Variants in TAF7L observed in about 807,000 individuals in gnomAD.
TAF7L encodes the protein transcription initiation factor TFIID subunit 7-like.
TAF7L carries 6 observed loss-of-function variants against 30.2 expected under a neutral mutation model. The ratio of observed to expected loss-of-function variants is 0.20; its 90% CI spans 0.11 to 0.39. The LOEUF is 0.39. TAF7L is among the 10% of genes least tolerant of loss of function. TAF7L has a pLI of 1.00. For synonymous variants in TAF7L, 93 were observed against 94.5 expected, an observed-to-expected ratio of 0.98 and a Z score of 0.09; for missense variants, 284 against 277.1, an observed-to-expected ratio of 1.03 and a Z score of -0.18.
At chrX:101,282,513 A>C (rs923133825) in intron 4 of TAF7L, 60 bp from the exon 5 acceptor site, 13 of 1,148,454 alleles carry the variant, frequency 1.1e-5, no homozygotes, top group African/African-American at 1.8e-5. Flanking sequence ...TAGCAATCAT[A>C]ATCATTCTTA....
At chrX:101,285,958 G>A (rs757032035) in intron 3 of TAF7L, among the ~76,000 whole-genome samples, 3 of 111,230 alleles carry the variant, frequency 2.7e-5, no homozygotes, top group East Asian at 2.8e-4. Flanking sequence ...CAAGGCAGGC[G>A]GATCACAAGG....
At chrX:101,277,503 G>GTTT in intron 9 of TAF7L, 103 bp downstream of exon 9, 6 of 321,284 alleles carry the variant, frequency 1.9e-5, no homozygotes, top group Non-Finnish European at 2.1e-5. Context: ...TTTTTTCTGG[G>GTTT]TTTTTTTTTT....
At chrX:101,288,786 ATATAAT>A (rs1924700932) in intron 1 of TAF7L, among the ~76,000 whole-genome samples, 1 of 111,020 alleles carries the variant, frequency 9.0e-6, no homozygotes, top group African/African-American at 3.3e-5. Context: ...TTATAATCAT[ATATAAT>A]TATGGGGTAC....
chrX:101,290,393 A>G (rs1302953586), intron 1 of TAF7L, among the ~76,000 whole-genome samples: 1 of 112,204 alleles, frequency 8.9e-6, no homozygotes, highest in African/African-American at 3.2e-5. Flanking sequence ...ATCGAAATAA[A>G]TAAAAAATCT....
At chrX:101,291,870 A>C (rs1242688657), upstream of TAF7L, among the ~76,000 whole-genome samples, 1 of 103,224 alleles carries the variant, frequency 9.7e-6, no homozygotes, top group East Asian at 3.2e-4. Flanking sequence ...GTCCGAAAAA[A>C]AAAAAATTAC....
Position 101,276,431 on chromosome X carries a change from CTCATCCTCATCCTCATCCTCATCTTCA to C in TAF7L, c.762_788del (p.Asp254_Asp262del). 1 of 821,452 alleles carries C rather than the reference CTCATCCTCATCCTCATCCTCATCTTCA, an allele frequency of 1.2e-6. No homozygotes were observed. Among genetic ancestry groups the C allele is most frequent in the Non-Finnish European group, 1.7e-6 (1 of 587,445 alleles). 67.7% of individuals were successfully genotyped at this position (821,452 alleles called of 1,213,427 possible). ...CCTCTTCTTTGTCTTCATCTTCATCCTCATCCTCATCCTCATCCTCATCTTCATCATCCTCATCCTCATCATCATCAT... is the reference window on the plus strand; with the variant it reads ...CCTCTTCTTTGTCTTCATCTTCATCCTCATCCTCATCCTCATCATCATCAT... On this transcript the variant is annotated inframe_deletion, in exon 10 of 13. Coordinates refer to ENST00000356784, the MANE Select transcript of TAF7L (RefSeq NM_001168474.2).
chrX:101,288,465 T>C (rs1924686759), intron 1 of TAF7L, among the ~76,000 whole-genome samples: 1 of 109,452 alleles, frequency 9.1e-6, no homozygotes, highest in South Asian at 3.9e-4. Context: ...CTTTTTTTTT[T>C]TTTGAGACGG....
At chrX:101,285,103 C>A (rs919402703) in intron 3 of TAF7L, among the ~76,000 whole-genome samples, 1 of 110,859 alleles carries the variant, frequency 9.0e-6, no homozygotes, top group Non-Finnish European at 1.9e-5. Flanking sequence ...ATGTTGATAT[C>A]AATTCCTTCT....
intron 1 of TAF7L, among the ~76,000 whole-genome samples, chrX:101,289,316 C>A (rs1924719048): frequency 8.9e-6 from 1 of 112,057 alleles, no homozygotes; most frequent in Non-Finnish European, 1.9e-5. Flanking sequence ...AGATTGATTT[C>A]ATAACTTAGC....
intron 8 of TAF7L, 89 bp from the exon 9 acceptor site, chrX:101,277,808 T>G (rs904937885): frequency 1.9e-5 from 13 of 685,347 alleles, no homozygotes; most frequent in Non-Finnish European, 2.7e-5. Flanking sequence ...ACAGTGCTAT[T>G]TAATTTAGTC....
intron 3 of TAF7L, among the ~76,000 whole-genome samples, chrX:101,286,138 G>A (rs5991903): frequency 0.34 from 34,208 of 101,443 alleles, 4,528 homozygotes; most frequent in Middle Eastern, 0.38. Context: ...CCAAGATTGC[G>A]CCACTGCACT....
chrX:101,276,195 C>A, intron 10 of TAF7L, 83 bp from the exon 11 acceptor site: 1 of 1,173,408 alleles, frequency 8.5e-7, no homozygotes, highest in Non-Finnish European at 1.1e-6. Flanking sequence ...AACTCTACTA[C>A]ACATCGAAGC....
chrX:101,292,858 G>A (rs373952324), upstream of TAF7L: 21 of 1,209,727 alleles, frequency 1.7e-5, no homozygotes, highest in Admixed American at 4.6e-4. Context: ...ATCCGTTTGA[G>A]TGTCCTCGTC....
At chrX:101,279,353 G>T (rs1227920424) in intron 6 of TAF7L, among the ~76,000 whole-genome samples, 1 of 112,093 alleles carries the variant, frequency 8.9e-6, no homozygotes, top group Non-Finnish European at 1.9e-5. Context: ...CAGGCGTGGT[G>T]GCTCATGCCT....
upstream of TAF7L, among the ~76,000 whole-genome samples, chrX:101,292,437 CAA>C (rs145821944): frequency 0.27 from 9,648 of 35,426 alleles, 783 homozygotes; most frequent in Admixed American, 0.36. Flanking sequence ...GAAACTCCGT[CAA>C]AAAAAAAAAA....
chrX:101,284,957 T>C lies in TAF7L; in HGVS notation c.146-1374A>G, dbSNP rs754178564. 9.0e-5 allele frequency among the ~76,000 whole-genome samples: 10 copies of C among 111,409 alleles called. No individual in the cohort carries two copies. In the South Asian group the frequency reaches 3.4e-3, roughly 38 times the overall value. Reference sequence around the variant, plus strand: ...ATCCATGGTGTCCCAAATGACAGAATTTTGTTCTTTTTAAAAGGCTGAGTA... The same window carrying C: ...ATCCATGGTGTCCCAAATGACAGAACTTTGTTCTTTTTAAAAGGCTGAGTA... On this transcript the variant is annotated intron_variant, in intron 3 of 12. Coordinates refer to ENST00000356784, the MANE Select transcript of TAF7L (RefSeq NM_001168474.2).
intron 5 of TAF7L, 110 bp from the exon 6 acceptor site, chrX:101,281,885 CTT>C (rs150397187): frequency 0.066 from 26,610 of 404,666 alleles, no homozygotes; most frequent in Middle Eastern, 0.079. Context: ...GACATCACTC[CTT>C]TTTTTTTTTT....
upstream of TAF7L, among the ~76,000 whole-genome samples, chrX:101,291,538 T>C (rs1248855479): frequency 3.6e-5 from 4 of 112,182 alleles, no homozygotes; most frequent in African/African-American, 9.7e-5. Flanking sequence ...ACGCGACTGC[T>C]CAGGGACCTC....
chrX:101,288,580 T>C (rs1016776169), intron 1 of TAF7L, among the ~76,000 whole-genome samples: 1 of 109,575 alleles, frequency 9.1e-6, no homozygotes, highest in Non-Finnish European at 1.9e-5. Context: ...CTTTATTGTG[T>C]GCATTCTGTA....
Sources: allele counts gnomAD v4.1 joint callset (sites outside exome capture counted in the v4.1 genomes callset), GRCh38; gene constraint gnomAD v4.1.1; transcripts MANE v1.5; gene names NCBI Gene and HGNC (gene_info 2026-07-23, HGNC 2026-07-21).